Variants in AP3B1 observed in about 807,000 individuals in gnomAD.
AP3B1 encodes AP-3 complex subunit beta-1.
In AP3B1, 61 loss-of-function variants were observed where a neutral mutation model predicts 132.5. The observed-to-expected ratio is 0.46, with a 90% CI of 0.37 to 0.57. The LOEUF (loss-of-function observed/expected upper bound fraction) is 0.57. Among genes scored for constraint, AP3B1 ranks in the 20% least tolerant of loss-of-function variants. The pLI, the probability that AP3B1 is intolerant of heterozygous loss-of-function variation, is 0.00. For synonymous variants in AP3B1, 388 were observed against 438.3 expected, an observed-to-expected ratio of 0.89 and a Z score of 1.43; for missense variants, 1,120 against 1,289.4, an observed-to-expected ratio of 0.87 and a Z score of 2.01.
intron 7 of AP3B1, among the ~76,000 whole-genome samples, chr5:78,193,770 A>ATATATATATATATATATATTTTTTTTTT: frequency 1.5e-5 from 1 of 67,216 alleles, no homozygotes; most frequent in Non-Finnish European, 3.2e-5. Flanking sequence ...ATATATATAT[A>ATATATATATATATATATATTTTTTTTTT]TTTTTTTTTT....
At chr5:78,003,703 T>C (rs1235654165) in intron 26 of AP3B1, among the ~76,000 whole-genome samples, 1 of 152,220 alleles carries the variant, frequency 6.6e-6, no homozygotes, top group Non-Finnish European at 1.5e-5. Context: ...TCTTTCTTTC[T>C]GTAGAGTGTA....
At position 78,175,847 on chromosome 5, in the gene AP3B1, C is replaced by G; in HGVS notation, c.1041-9G>C. The G allele has an allele frequency of 6.2e-7, 1 of 1,604,190 alleles. No individual in the cohort carries two copies. Among genetic ancestry groups the G allele is most frequent in the African/African-American group, 1.3e-5 (1 of 74,796 alleles). ...CAATATACTGCACCTCCCTAGAAAT[C>G]AAAAGATAATTTTTACTGGGTATAT... On this transcript the variant is annotated splice_polypyrimidine_tract_variant and intron_variant, in intron 9 of 26. Coordinates refer to ENST00000255194, the MANE Select transcript of AP3B1 (RefSeq NM_003664.5).
In AP3B1 at chr5:78,239,512, G is replaced by A. The variant is rs568287202; in HGVS notation, c.279+1350C>T. Among the ~76,000 whole-genome samples, 246 of 147,926 alleles carry A rather than the reference G, an allele frequency of 1.7e-3. 7 individuals carry two copies. In the South Asian group the frequency reaches 0.05, roughly 30 times the overall value. On this transcript the variant is annotated intron_variant, in intron 3 of 26. Transcript: ENST00000255194. ...AAAAAAGCCAGGCACGGTTGGTCACGCCTGTAATCCTAGCACTTTGGGAGG... is the reference window on the plus strand; with the variant it reads ...AAAAAAGCCAGGCACGGTTGGTCACACCTGTAATCCTAGCACTTTGGGAGG...
chr5:78,165,575 T>C (rs765512387), intron 12 of AP3B1, 35 bp downstream of exon 12: 1 of 1,461,424 alleles, frequency 6.8e-7, no homozygotes, highest in Non-Finnish European at 9.6e-7. Flanking sequence ...AACATATGTT[T>C]TAGAAGTTTT....
intron 6 of AP3B1, among the ~76,000 whole-genome samples, chr5:78,217,957 TATA>T (rs966129096): frequency 5.3e-5 from 8 of 152,184 alleles, no homozygotes; most frequent in African/African-American, 1.9e-4. Context: ...TCAGCTACCA[TATA>T]ATATTAAATT....
rs548864035 is a variant in AP3B1, at chr5:78,158,351, G to A, written c.1364-1984C>T. Among the ~76,000 whole-genome samples the A allele has an allele frequency of 1.8e-4, 28 of 152,146 alleles. No individual in the cohort carries two copies. The South Asian group carries it at 5.8e-3, about 32-fold the overall frequency. ...ACGTGCCTATAGTACCAGCTATTCA[G>A]GAGGCTGAAGCAGGAGAATCACCTG... On this transcript the variant is annotated intron_variant, in intron 13 of 26. Transcript: ENST00000255194.
intron 7 of AP3B1, among the ~76,000 whole-genome samples, chr5:78,191,623 T>A (rs1204850783): frequency 3.3e-5 from 5 of 152,108 alleles, no homozygotes; most frequent in African/African-American, 4.8e-5. Flanking sequence ...CTCAAGATTG[T>A]TGAATCCATT....
Position 78,241,091 on chromosome 5 carries a change from A to G in AP3B1, c.205-155T>C, listed in dbSNP as rs140831005. Among the ~76,000 whole-genome samples the G allele has an allele frequency of 3.3e-3, 501 of 152,306 alleles. 5 individuals carry two copies. Among genetic ancestry groups the G allele is most frequent in the African/African-American group, 0.012 (479 of 41,576 alleles). ...CAGCAAATAATAAACACTATCTTGT[A>G]CAGCAATATAAATACACAAATACAT... On this transcript the variant is annotated intron_variant, in intron 2 of 26. Coordinates refer to ENST00000255194, the MANE Select transcript of AP3B1 (RefSeq NM_003664.5).
chr5:78,027,232 A>G (rs747707308), intron 24 of AP3B1, among the ~76,000 whole-genome samples: 2 of 151,950 alleles, frequency 1.3e-5, no homozygotes, highest in African/African-American at 4.8e-5. Context: ...TTTTATAATT[A>G]AATAATAAAT....
At chr5:78,221,950 A>G (rs1429183053) in intron 6 of AP3B1, among the ~76,000 whole-genome samples, 2 of 152,174 alleles carry the variant, frequency 1.3e-5, no homozygotes, top group Non-Finnish European at 2.9e-5. Flanking sequence ...ATGCAAACAC[A>G]ATGTAAGCAT....
intron 26 of AP3B1, among the ~76,000 whole-genome samples, chr5:78,009,334 C>T (rs1746521385): frequency 6.6e-6 from 1 of 151,500 alleles, no homozygotes; most frequent in South Asian, 2.1e-4. Context: ...GTGGCATGCA[C>T]TTGTAGTCCT....
intron 21 of AP3B1, among the ~76,000 whole-genome samples, chr5:78,097,068 T>G (rs1398762117): frequency 2.8e-5 from 2 of 70,982 alleles, no homozygotes; most frequent in Non-Finnish European, 2.7e-5. Flanking sequence ...GGTTGGGGGG[T>G]CAGCCCCCCG....
chr5:78,167,382 T>C (rs773645157), intron 11 of AP3B1, among the ~76,000 whole-genome samples: 1 of 152,104 alleles, frequency 6.6e-6, no homozygotes, highest in Non-Finnish European at 1.5e-5. Flanking sequence ...ACTTTTACAC[T>C]GTTGGTGGGA....
At chr5:78,211,743 A>T (rs1745747048) in intron 7 of AP3B1, among the ~76,000 whole-genome samples, 1 of 152,246 alleles carries the variant, frequency 6.6e-6, no homozygotes, top group South Asian at 2.1e-4. Flanking sequence ...GGAACACAAT[A>T]AACAAACACA....
chr5:78,222,029 G>A (rs1157933733), intron 6 of AP3B1, among the ~76,000 whole-genome samples: 3 of 152,052 alleles, frequency 2.0e-5, no homozygotes, highest in African/African-American at 7.2e-5. Flanking sequence ...CTGTAGTGAT[G>A]GCACTAAACA....
chr5:78,015,184 A>G (rs1746804472), intron 26 of AP3B1, among the ~76,000 whole-genome samples: 1 of 152,196 alleles, frequency 6.6e-6, no homozygotes, highest in African/African-American at 2.4e-5. Flanking sequence ...TGCTCTGTAT[A>G]TCTTTCAGGA....
intron 24 of AP3B1, among the ~76,000 whole-genome samples, chr5:78,033,138 A>G (rs1580261796): frequency 6.6e-6 from 1 of 152,108 alleles, no homozygotes; most frequent in Non-Finnish European, 1.5e-5. Context: ...TTGGGTTCAC[A>G]TTGTCCAAAT....
intron 3 of AP3B1, 51 bp downstream of exon 3, chr5:78,240,811 C>G: frequency 8.0e-7 from 1 of 1,246,810 alleles, no homozygotes; most frequent in Non-Finnish European, 1.2e-6. Context: ...AAAAAGTGTA[C>G]GGTCCCATGA....
intron 26 of AP3B1, among the ~76,000 whole-genome samples, chr5:78,009,013 G>T (rs192863809): frequency 3.0e-4 from 45 of 152,174 alleles, no homozygotes; most frequent in Non-Finnish European, 4.9e-4. Flanking sequence ...TGTCACAAAG[G>T]TCTCCAAAAA....
Sources: gnomAD v4.1 joint callset for allele counts (sites outside exome capture counted in the v4.1 genomes callset) on GRCh38, gnomAD v4.1.1 for gene constraint, MANE v1.5 for transcripts, NCBI Gene and HGNC (gene_info 2026-07-23, HGNC 2026-07-21) for gene names.